Variants in SYNPO2 observed in about 807,000 individuals in gnomAD.
SYNPO2 encodes the protein synaptopodin 2, also known as synaptopodin-2.
In SYNPO2, 56 loss-of-function variants were observed where a neutral mutation model predicts 85.0. The observed-to-expected ratio is 0.66, with a 90% CI of 0.53 to 0.82. SYNPO2 has a LOEUF of 0.82. Ranked by LOEUF, SYNPO2 falls within the 40% of genes least tolerant of loss-of-function variation. The pLI is 0.00. For missense variants in SYNPO2, 1,575 were observed against 1,534.2 expected, an observed-to-expected ratio of 1.03 and a Z score of -0.44; for synonymous variants, 602 against 591.1, an observed-to-expected ratio of 1.02 and a Z score of -0.27.
At chr4:118,873,858 A>G (rs1346260259) in intron 1 of SYNPO2, among the ~76,000 whole-genome samples, 4 of 152,052 alleles carry the variant, frequency 2.6e-5, no homozygotes, top group Non-Finnish European at 4.4e-5. Context: ...TGATTTTCGT[A>G]TATGGTAAGA....
chr4:118,919,393 C>A (rs111835437), intron 1 of SYNPO2, among the ~76,000 whole-genome samples: 22 of 126,578 alleles, frequency 1.7e-4, no homozygotes, highest in African/African-American at 5.5e-4. Flanking sequence ...TTTTTGCATA[C>A]CGAAGTAATT....
At chr4:118,937,326 A>G (rs1365977418) in intron 1 of SYNPO2, among the ~76,000 whole-genome samples, 1 of 151,796 alleles carries the variant, frequency 6.6e-6, no homozygotes, top group Non-Finnish European at 1.5e-5. Flanking sequence ...ACCTCTGCAC[A>G]TACCTCTCCC....
chr4:119,038,037 C>A, intron 4 of SYNPO2: 2 of 664,196 alleles, frequency 3.0e-6, no homozygotes, highest in Non-Finnish European at 3.7e-6. Flanking sequence ...AGAAGCTAAA[C>A]AACTTGTGCA....
At chr4:119,038,338 A>G (rs780961157) in intron 4 of SYNPO2, 23 of 984,150 alleles carry the variant, frequency 2.3e-5, no homozygotes, top group Non-Finnish European at 2.7e-5. Context: ...GTGAAAACCC[A>G]TCTCTGAGAA....
intron 1 of SYNPO2, among the ~76,000 whole-genome samples, chr4:118,894,233 G>T (rs1289630458): frequency 6.6e-6 from 1 of 152,014 alleles, no homozygotes; most frequent in Admixed American, 6.6e-5. Context: ...CTTCCCCACT[G>T]CCTCTCTCCT....
chr4:118,976,895 C>G (rs977859928), intron 1 of SYNPO2, among the ~76,000 whole-genome samples: 5 of 152,208 alleles, frequency 3.3e-5, no homozygotes, highest in African/African-American at 7.2e-5. Flanking sequence ...TTGAGCTAAA[C>G]ACAGGGTGCT....
At chr4:118,881,954 A>G (rs1732112202) in intron 1 of SYNPO2, among the ~76,000 whole-genome samples, 1 of 152,238 alleles carries the variant, frequency 6.6e-6, no homozygotes, top group African/African-American at 2.4e-5. Flanking sequence ...GAGTTGCGTA[A>G]CTATTAAATA....
chr4:119,009,137 A>C (rs1283200166), intron 1 of SYNPO2, among the ~76,000 whole-genome samples: 2 of 152,232 alleles, frequency 1.3e-5, no homozygotes, highest in Non-Finnish European at 2.9e-5. Flanking sequence ...AAATATTATC[A>C]AATGCTTCGT....
chr4:119,035,725 C>T (rs770803099), intron 4 of SYNPO2: 343 of 983,766 alleles, frequency 3.5e-4, no homozygotes, highest in Non-Finnish European at 4.0e-4. Flanking sequence ...TAGAAAGTGC[C>T]GACTTCTTTC....
intron 1 of SYNPO2, among the ~76,000 whole-genome samples, chr4:119,002,347 G>A (rs151299448): frequency 1.1e-4 from 17 of 151,986 alleles, no homozygotes; most frequent in Non-Finnish European, 2.1e-4. Flanking sequence ...TGCAACCTCT[G>A]CCTCCCCAGT....
In SYNPO2 at chr4:119,035,333, C is replaced by T. The variant is rs114117396; in HGVS notation, c.3252+3306C>T. The T allele has an allele frequency of 4.0e-3, 3,950 of 985,376 alleles. 113 individuals carry two copies. In the African/African-American group the frequency reaches 0.062, roughly 15 times the overall value. 61.0% of individuals were successfully genotyped at this position (985,376 alleles called of 1,614,324 possible). On this transcript the variant is annotated intron_variant, in intron 4 of 4. Transcript: ENST00000307142. ...GGACATGTAAGTACAGCATATTCCC[C>T]TCAGTCTTCTAGGAGGGCAGAGTGA...
chr4:119,057,698 C>T lies in SYNPO2; in HGVS notation c.3550C>T (p.Pro1184Ser). Reference sequence around the variant, plus strand: ...TTGGAATGAAAGACTGTCCTATATTCCTCAAACCCAGAAGGCCTATATGGG... The same window carrying T: ...TTGGAATGAAAGACTGTCCTATATTTCTCAAACCCAGAAGGCCTATATGGG... ...EDWNERLSYI[P>S]QTQKAYMGSC... Residue 1184 changes from proline to serine, a missense_variant, in exon 5 of 5, where the codon CCT (proline) becomes TCT (serine). Around this residue, in one of 3 missense-constraint regions of SYNPO2, gnomAD observed 1,508 missense variants for 1,446.8 expected, o/e 1.04. Transcript: ENST00000307142. The T allele has an allele frequency of 8.7e-6, 14 of 1,614,142 alleles. No homozygotes were observed. Among genetic ancestry groups the T allele is most frequent in the Non-Finnish European group, 1.2e-5 (14 of 1,180,040 alleles).
chr4:118,973,273 C>A (rs1735602707), intron 1 of SYNPO2, among the ~76,000 whole-genome samples: 1 of 151,856 alleles, frequency 6.6e-6, no homozygotes, highest in Admixed American at 6.6e-5. Context: ...AATTATAGTA[C>A]CTCAAATATA....
chr4:118,891,207 CA>C (rs1483310793), intron 1 of SYNPO2, among the ~76,000 whole-genome samples: 1 of 152,060 alleles, frequency 6.6e-6, no homozygotes, highest in African/African-American at 2.4e-5. Flanking sequence ...TTGTGGTTTT[CA>C]AAAGATCATT....
intron 1 of SYNPO2, among the ~76,000 whole-genome samples, chr4:118,881,227 G>A (rs923350759): frequency 4.0e-5 from 6 of 151,550 alleles, no homozygotes; most frequent in African/African-American, 9.7e-5. Context: ...GCATGAACCC[G>A]GGAGGTGGAG....
chr4:118,996,339 C>T (rs780775380), intron 1 of SYNPO2, among the ~76,000 whole-genome samples: 2 of 152,190 alleles, frequency 1.3e-5, no homozygotes, highest in Non-Finnish European at 2.9e-5. Flanking sequence ...CCACCCCCTT[C>T]GTCCACCACT....
chr4:118,920,679 C>T (rs901040253), intron 1 of SYNPO2, among the ~76,000 whole-genome samples: 3 of 151,990 alleles, frequency 2.0e-5, no homozygotes, highest in Admixed American at 1.3e-4. Context: ...TATTCCATAC[C>T]CCAGATTTAT....
At chr4:119,029,548 C>T (rs930483676) in intron 3 of SYNPO2, among the ~76,000 whole-genome samples, 1 of 151,772 alleles carries the variant, frequency 6.6e-6, no homozygotes, top group Non-Finnish European at 1.5e-5. Context: ...CATTTACTAG[C>T]CAGTTTTTAT....
chr4:118,884,390 A>G (rs1298543103), upstream of SYNPO2, among the ~76,000 whole-genome samples: 1 of 152,242 alleles, frequency 6.6e-6, no homozygotes, highest in Admixed American at 6.5e-5. Context: ...CCTGACGGCA[A>G]TCCAGAGAAG....
Sources: gnomAD v4.1 joint callset for allele counts (sites outside exome capture counted in the v4.1 genomes callset) on GRCh38, gnomAD v4.1.1 for gene constraint, gnomAD v4.1.1 regional missense constraint, MANE v1.5 for transcripts, NCBI Gene and HGNC (gene_info 2026-07-23, HGNC 2026-07-21) for gene names.